ZDHHC15: variants seen among roughly 807,000 people sequenced by gnomAD.
ZDHHC15 encodes the protein palmitoyltransferase ZDHHC15.
A neutral mutation model predicts 31.7 loss-of-function variants in ZDHHC15; 19 were observed. The ratio of observed to expected loss-of-function variants is 0.60; its 90% CI spans 0.42 to 0.88. ZDHHC15 has a LOEUF of 0.88. Ranked by LOEUF, ZDHHC15 falls within the 40% of genes least tolerant of loss-of-function variation. ZDHHC15 has a pLI of 0.00. For missense variants in ZDHHC15, 209 were observed against 251.2 expected (o/e 0.83, Z 1.14); for synonymous variants, 103 against 90.0 (o/e 1.14, Z -0.82).
intron 11 of ZDHHC15, among the ~76,000 whole-genome samples, chrX:75,376,258 G>GT (rs60979611): frequency 0.055 from 5,131 of 92,492 alleles, 322 homozygotes; most frequent in African/African-American, 0.18. Context: ...TAATGGGGTT[G>GT]TTTTTTTTTT....
At chrX:75,386,437 G>A (rs1308770006) in intron 10 of ZDHHC15, among the ~76,000 whole-genome samples, 1 of 111,986 alleles carries the variant, frequency 8.9e-6, no homozygotes, top group Non-Finnish European at 1.9e-5. Flanking sequence ...TAGCTCAAGG[G>A]AAAAGCCGCT....
At chrX:75,378,663 C>G (rs1933417940) in intron 11 of ZDHHC15, among the ~76,000 whole-genome samples, 1 of 111,781 alleles carries the variant, frequency 8.9e-6, no homozygotes, top group South Asian at 3.8e-4. Context: ...ACTTAACAAA[C>G]TCATAGCATT....
At chrX:75,474,377 G>A (rs1436173120) in intron 3 of ZDHHC15, among the ~76,000 whole-genome samples, 1 of 107,567 alleles carries the variant, frequency 9.3e-6, no homozygotes, top group Non-Finnish European at 1.9e-5. Context: ...TCAGCTTGCT[G>A]ATGGCCTATT....
At chrX:75,442,146 G>C (rs920546159) in intron 4 of ZDHHC15, among the ~76,000 whole-genome samples, 1 of 112,004 alleles carries the variant, frequency 8.9e-6, no homozygotes, top group African/African-American at 3.2e-5. Context: ...GTTTTTCTGG[G>C]TGAGATTAGC....
chrX:75,462,057 T>C (rs2084325265), intron 3 of ZDHHC15, among the ~76,000 whole-genome samples: 1 of 111,586 alleles, frequency 9.0e-6, no homozygotes, highest in Non-Finnish European at 1.9e-5. Context: ...AAGACACACA[T>C]AGGCTCAAAA....
At chrX:75,404,334 A>G (rs1015139960) in intron 10 of ZDHHC15, among the ~76,000 whole-genome samples, 1 of 112,313 alleles carries the variant, frequency 8.9e-6, no homozygotes, top group East Asian at 2.8e-4. Flanking sequence ...GTTCATGACA[A>G]AGACACTGAA....
At chrX:75,520,775 T>C (rs1252568644) in intron 1 of ZDHHC15, among the ~76,000 whole-genome samples, 1 of 111,512 alleles carries the variant, frequency 9.0e-6, no homozygotes, top group Non-Finnish European at 1.9e-5. Context: ...CTAACTTGTA[T>C]CTATGAAGGC....
chrX:75,418,810 G>C (rs1362451775), intron 9 of ZDHHC15, among the ~76,000 whole-genome samples: 2 of 112,118 alleles, frequency 1.8e-5, no homozygotes, highest in Non-Finnish European at 3.8e-5. Flanking sequence ...ATTAACTCAA[G>C]ATGGATTAAA....
At chrX:75,460,164 C>G (rs1198864539) in intron 3 of ZDHHC15, among the ~76,000 whole-genome samples, 1 of 111,836 alleles carries the variant, frequency 8.9e-6, no homozygotes. Flanking sequence ...CGTGAGCCAC[C>G]ACGACTGGCC....
In ZDHHC15 at chrX:75,383,678, C is replaced by T. The variant is rs1487491030; in HGVS notation, c.968-4480G>A. ...ATATCCTGTATTGTGTTTTGTTAGG[C>T]AGCTTTCCACGTATGTATTTTATCA... On this transcript the variant is annotated intron_variant, in intron 10 of 11. Coordinates refer to ENST00000373367, the MANE Select transcript of ZDHHC15 (RefSeq NM_144969.3). Among the ~76,000 whole-genome samples, 4 of 108,471 alleles carry T rather than the reference C, an allele frequency of 3.7e-5. No individual in the cohort carries two copies. In the East Asian group the frequency reaches 1.2e-3, roughly 31 times the overall value. The allele number at this position is 108,471 out of a possible 115,157, so 94.2% of individuals were successfully genotyped here.
intron 3 of ZDHHC15, among the ~76,000 whole-genome samples, chrX:75,453,349 G>A (rs1406470215): frequency 9.0e-6 from 1 of 111,391 alleles, no homozygotes; most frequent in Non-Finnish European, 1.9e-5. Flanking sequence ...GGAAGAAGCT[G>A]AATCTCTGAA....
At chrX:75,468,630 T>C (rs937952648) in intron 3 of ZDHHC15, among the ~76,000 whole-genome samples, 1 of 111,980 alleles carries the variant, frequency 8.9e-6, no homozygotes, top group Non-Finnish European at 1.9e-5. Context: ...TTTAACTTCA[T>C]GAAAATTTGC....
intron 4 of ZDHHC15, among the ~76,000 whole-genome samples, chrX:75,442,444 C>T (rs1005890811): frequency 8.9e-6 from 1 of 111,894 alleles, no homozygotes; most frequent in African/African-American, 3.3e-5. Context: ...TGATATGCAA[C>T]CTCAGCAAAG....
In ZDHHC15 at chrX:75,429,065, A is replaced by AT; in HGVS notation, c.603+12dup. 1 of 1,207,212 alleles carries AT rather than the reference A, an allele frequency of 8.3e-7. No homozygotes were observed. Among genetic ancestry groups the AT allele is most frequent in the Non-Finnish European group, 1.1e-6 (1 of 893,789 alleles). ...TTTGTTCTAGGGGACCCTTCAGGAT[A>AT]TTTTTAACTTACTCTCCAGTATTTG... On this transcript the variant is annotated intron_variant, in intron 7 of 11. Coordinates refer to ENST00000373367, the MANE Select transcript of ZDHHC15 (RefSeq NM_144969.3).
chrX:75,379,230 G>T (rs758008754), intron 10 of ZDHHC15, 32 bp from the exon 11 acceptor site: 1 of 1,203,017 alleles, frequency 8.3e-7, no homozygotes, highest in Non-Finnish European at 1.1e-6. Flanking sequence ...ATGATCAAAT[G>T]TCCCCGTGCC....
At chrX:75,421,037 C>A (rs1724164499) in intron 9 of ZDHHC15, among the ~76,000 whole-genome samples, 1 of 109,523 alleles carries the variant, frequency 9.1e-6, no homozygotes, top group East Asian at 2.9e-4. Context: ...GTATTAACCA[C>A]AAAATATATA....
chrX:75,407,538 C>T (rs1001497045), intron 10 of ZDHHC15, among the ~76,000 whole-genome samples: 28 of 83,213 alleles, frequency 3.4e-4, no homozygotes, highest in East Asian at 7.0e-4. Flanking sequence ...CCGCCCCGTC[C>T]GGGAGGGAGG....
At chrX:75,403,460 T>G (rs770166642) in intron 10 of ZDHHC15, among the ~76,000 whole-genome samples, 1 of 112,158 alleles carries the variant, frequency 8.9e-6, no homozygotes, top group East Asian at 2.8e-4. Context: ...GCAGATGATA[T>G]GATTCTCTAT....
At chrX:75,514,969 A>T (rs1223332491) in intron 1 of ZDHHC15, among the ~76,000 whole-genome samples, 1 of 112,280 alleles carries the variant, frequency 8.9e-6, no homozygotes, top group Non-Finnish European at 1.9e-5. Context: ...AAACTAGAAA[A>T]TCTAGAAGAA....
Sources: allele counts gnomAD v4.1 joint callset (sites outside exome capture counted in the v4.1 genomes callset), GRCh38; gene constraint gnomAD v4.1.1; transcripts MANE v1.5; gene names NCBI Gene and HGNC (gene_info 2026-07-23, HGNC 2026-07-21).